RNF4: variants seen among roughly 807,000 people sequenced by gnomAD.
The protein encoded by RNF4 is E3 ubiquitin-protein ligase RNF4.
RNF4 carries 7 observed loss-of-function variants against 24.3 expected under a neutral mutation model. The ratio of observed to expected loss-of-function variants is 0.29; its 90% CI spans 0.16 to 0.54. RNF4 has a LOEUF of 0.54. Among genes scored for constraint, RNF4 ranks in the 20% least tolerant of loss-of-function variants. RNF4 has a pLI of 0.95. For synonymous variants in RNF4, 83 were observed against 84.3 expected, an observed-to-expected ratio of 0.98 and a Z score of 0.09; for missense variants, 209 against 248.5, an observed-to-expected ratio of 0.84 and a Z score of 1.07.
chr4:2,515,784 C>T lies in RNF4; in HGVS notation c.*1965C>T, dbSNP rs1267481340. 1.3e-5 allele frequency: 2 copies of T among 152,536 alleles called. No homozygotes were observed. The highest frequency in any genetic ancestry group is 4.8e-5 in the African/African-American group (2 of 41,412). The allele number at this position is 152,536 out of a possible 1,614,324, so 9.4% of individuals were successfully genotyped here. ...TTTCTTTGTTACATTTAAACTATAT[C>T]CATGGATATCAGTCTGCTTTGGACT... On this transcript the variant is annotated 3_prime_UTR_variant, in exon 8 of 8. Coordinates refer to ENST00000314289, the MANE Select transcript of RNF4 (RefSeq NM_002938.5).
intron 1 of RNF4, among the ~76,000 whole-genome samples, chr4:2,475,302 G>T (rs1428547841): frequency 6.6e-6 from 1 of 150,872 alleles, no homozygotes; most frequent in East Asian, 2.0e-4. Flanking sequence ...AGTAGCTGGG[G>T]CTACAGGCGC....
At chr4:2,473,756 A>G (rs1048706139) in intron 1 of RNF4, among the ~76,000 whole-genome samples, 3 of 151,776 alleles carry the variant, frequency 2.0e-5, no homozygotes, top group African/African-American at 7.3e-5. Flanking sequence ...GGTTGTGGTG[A>G]GCCGAGATCA....
rs1449254310 is a variant in RNF4, at chr4:2,512,397, G to C, written c.215-41G>C. 2 of 1,574,390 alleles carry C rather than the reference G, an allele frequency of 1.3e-6. No homozygotes were observed. The highest frequency in any genetic ancestry group is 3.8e-5 in the Admixed American group (2 of 53,314). On this transcript the variant is annotated intron_variant, in intron 5 of 7. Coordinates refer to ENST00000314289, the MANE Select transcript of RNF4 (RefSeq NM_002938.5). This position sits in a 1 kb window ranked among gnomAD's most constrained non-coding sequence, Gnocchi z 4.1. ...GATGGGAGTGGTGAGGATGGTAAGA[G>C]TAGAGAGCCTCCAACCTGAAAATGT...
At chr4:2,509,555 C>G (rs554636706) in intron 4 of RNF4, among the ~76,000 whole-genome samples, 1 of 152,134 alleles carries the variant, frequency 6.6e-6, no homozygotes, top group Non-Finnish European at 1.5e-5. Flanking sequence ...CATCTGGAAG[C>G]TGTTTTTCTC....
chr4:2,481,405 A>G (rs1000939167), intron 1 of RNF4, among the ~76,000 whole-genome samples: 3 of 152,082 alleles, frequency 2.0e-5, no homozygotes, highest in Non-Finnish European at 2.9e-5. Flanking sequence ...AGGAACACAT[A>G]TGTCCGTAAC....
chr4:2,505,188 GTT>G (rs1378789550), intron 4 of RNF4: 1 of 152,116 alleles, frequency 6.6e-6, no homozygotes, highest in Non-Finnish European at 1.5e-5. Flanking sequence ...AAACCTGAGT[GTT>G]TTTAGCATTT....
At position 2,485,140 on chromosome 4, in the gene RNF4, C is replaced by G. The variant is rs529101728; in HGVS notation, c.-157-5197C>G. On this transcript the variant is annotated intron_variant, in intron 1 of 7. Transcript: ENST00000314289. ...TCAGCACTGCTTCCTCTAGACAGCC[C>G]GGCTTGATCCTCAGCGCGTTTGGGC... Among the ~76,000 whole-genome samples, 39 of 152,270 alleles carry G rather than the reference C, an allele frequency of 2.6e-4. 1 individual carries two copies. The South Asian group carries it at 7.9e-3, about 31-fold the overall frequency.
At chr4:2,491,398 A>G (rs1735575296) in intron 2 of RNF4, among the ~76,000 whole-genome samples, 1 of 151,936 alleles carries the variant, frequency 6.6e-6, no homozygotes, top group Non-Finnish European at 1.5e-5. Flanking sequence ...CTCCCCGCCC[A>G]GCTAATTTTG....
At chr4:2,482,560 C>T (rs1338208078) in intron 1 of RNF4, among the ~76,000 whole-genome samples, 1 of 152,218 alleles carries the variant, frequency 6.6e-6, no homozygotes, top group Admixed American at 6.5e-5. Context: ...TATGAGGCCC[C>T]AAAGCCTAGG....
At chr4:2,503,859 T>G (rs1484584103) in intron 4 of RNF4, among the ~76,000 whole-genome samples, 1 of 152,148 alleles carries the variant, frequency 6.6e-6, no homozygotes, top group African/African-American at 2.4e-5. Context: ...GTGCACTGCT[T>G]TAGCTCCAGT....
intron 1 of RNF4, among the ~76,000 whole-genome samples, chr4:2,475,007 A>G (rs1470522517): frequency 6.6e-6 from 1 of 152,174 alleles, no homozygotes; most frequent in Admixed American, 6.5e-5. Flanking sequence ...AGCCTGGGCA[A>G]CAAGAGTGAA....
At chr4:2,510,245 G>A (rs1736233623) in intron 4 of RNF4, among the ~76,000 whole-genome samples, 1 of 152,198 alleles carries the variant, frequency 6.6e-6, no homozygotes, top group Non-Finnish European at 1.5e-5. Flanking sequence ...TTATTCCTAA[G>A]CTTAGTGGAT....
At chr4:2,495,646 G>GGC (rs1553878676) in intron 2 of RNF4, among the ~76,000 whole-genome samples, 17 of 148,428 alleles carry the variant, frequency 1.1e-4, no homozygotes, top group East Asian at 1.0e-3. Context: ...TTTTGGGGGG[G>GGC]GGTGAGATGG....
intron 1 of RNF4, among the ~76,000 whole-genome samples, chr4:2,475,630 G>A (rs1222805012): frequency 1.3e-5 from 2 of 152,206 alleles, no homozygotes; most frequent in South Asian, 4.2e-4. Context: ...GAGCCACCTC[G>A]CCTGGCCCAC....
chr4:2,483,674 G>T (rs1735310113), intron 1 of RNF4, among the ~76,000 whole-genome samples: 1 of 151,926 alleles, frequency 6.6e-6, no homozygotes, highest in Non-Finnish European at 1.5e-5. Flanking sequence ...CATGGTGGTG[G>T]GTTCCTGTAA....
chr4:2,490,900 C>T (rs1281894289), intron 2 of RNF4: 10 of 169,398 alleles, frequency 5.9e-5, no homozygotes, highest in African/African-American at 2.1e-4. Flanking sequence ...TAGGACCAGC[C>T]AGGGCAACAT....
chr4:2,493,221 G>T lies in RNF4; in HGVS notation c.9+2719G>T, dbSNP rs149111435. ...ACATTTGAGTGGGTTCTGGAAAGCTGTGCAAGAATTGGCCAAGTAAAGAAA... is the reference window on the plus strand; with the variant it reads ...ACATTTGAGTGGGTTCTGGAAAGCTTTGCAAGAATTGGCCAAGTAAAGAAA... On this transcript the variant is annotated intron_variant, in intron 2 of 7. Coordinates refer to ENST00000314289, the MANE Select transcript of RNF4 (RefSeq NM_002938.5). Among the ~76,000 whole-genome samples the T allele has an allele frequency of 3.9e-5, 6 of 152,198 alleles. No individual in the cohort carries two copies. In the East Asian group the frequency reaches 1.2e-3, roughly 29 times the overall value.
chr4:2,512,228 G>A lies in RNF4; in HGVS notation c.215-210G>A. ...TTTTGGAGAAGGCTGGTAGCTCACA[G>A]CAGGGGTTGGGGGGTTTCTCCTGGG... On this transcript the variant is annotated intron_variant, in intron 5 of 7. Transcript: ENST00000314289. The surrounding 1 kb of genome is among the most constrained non-coding windows in gnomAD (Gnocchi z 4.1). The A allele has an allele frequency of 1.5e-6, 1 of 669,380 alleles. No individual in the cohort carries two copies. The highest frequency in any genetic ancestry group is 2.5e-6 in the Non-Finnish European group (1 of 393,516). The allele number at this position is 669,380 out of a possible 1,614,324, so 41.5% of individuals were successfully genotyped here. A position where few individuals can be genotyped will look rare whatever the true frequency, so the allele number is the denominator to read the frequency against.
intron 1 of RNF4, among the ~76,000 whole-genome samples, chr4:2,484,551 A>T (rs554971204): frequency 2.0e-5 from 3 of 152,074 alleles, no homozygotes; most frequent in Admixed American, 6.6e-5. Flanking sequence ...TTGTACGTCA[A>T]GGAGCATCTG....
Sources: gnomAD v4.1 joint callset for allele counts (sites outside exome capture counted in the v4.1 genomes callset) on GRCh38, gnomAD v4.1.1 for gene constraint, Gnocchi (gnomAD v3.1) non-coding constraint, MANE v1.5 for transcripts, NCBI Gene and HGNC (gene_info 2026-07-23, HGNC 2026-07-21) for gene names.